The following TNRC18 variants were observed in gnomAD, a reference collection of about 807,000 sequenced individuals.
TNRC18 encodes the protein trinucleotide repeat containing 18.
TNRC18 carries 69 observed loss-of-function variants against 226.7 expected under a neutral mutation model. That is an observed-to-expected ratio of 0.30 (90% CI 0.25 to 0.37). The LOEUF (loss-of-function observed/expected upper bound fraction) is 0.37. TNRC18 is among the 10% of genes least tolerant of loss of function. The pLI is 1.00. For synonymous variants in TNRC18, 2,449 were observed against 1,927.6 expected, an observed-to-expected ratio of 1.27 and a Z score of -7.09; for missense variants, 4,754 against 4,256.6, an observed-to-expected ratio of 1.12 and a Z score of -3.25.
At chr7:5,362,085 G>A (rs535192661) in intron 12 of TNRC18, 52 bp from the exon 13 acceptor site, 46 of 1,590,172 alleles carry the variant, frequency 2.9e-5, no homozygotes, top group South Asian at 1.9e-4. Flanking sequence ...ACTGCCTAAC[G>A]ACGCCCACCG....
intron 17 of TNRC18, among the ~76,000 whole-genome samples, chr7:5,350,118 G>T (rs767289792): frequency 1.3e-5 from 2 of 152,088 alleles, no homozygotes; most frequent in Non-Finnish European, 2.9e-5. Flanking sequence ...GCCCATGGGG[G>T]AGATGGGGGA....
intron 19 of TNRC18, among the ~76,000 whole-genome samples, chr7:5,329,055 C>G (rs1388074609): frequency 6.6e-6 from 1 of 152,114 alleles, no homozygotes; most frequent in Non-Finnish European, 1.5e-5. Flanking sequence ...ATAATCGCAA[C>G]ACATTGGGAG....
rs1476085170 is a variant in TNRC18, at chr7:5,390,587, G to A, written c.385C>T (p.His129Tyr). The change falls in exon 4 of 30, where the codon CAC (histidine) becomes TAC (tyrosine). Residue 129 changes from histidine (H) to tyrosine (Y), a missense_variant. Physicochemically the swap from His to Tyr is moderately conservative, Grantham distance 83. Transcript: ENST00000430969. ...LPSGLYPSYL[H>Y]LNHLEPPSSG... ...CTGGGGGGCTCCAGGTGGTTCAGGT[G>A]GAGGTAGGATGGGTACAGCCCACTG... 2 of 1,612,242 alleles carry A rather than the reference G, an allele frequency of 1.2e-6. No homozygotes were observed. Among genetic ancestry groups the A allele is most frequent in the Admixed American group, 3.3e-5 (2 of 59,762 alleles).
intron 3 of TNRC18, among the ~76,000 whole-genome samples, chr7:5,392,380 T>C (rs1780363095): frequency 6.6e-6 from 1 of 152,128 alleles, no homozygotes; most frequent in Admixed American, 6.6e-5. Context: ...GGAGGATCTC[T>C]TGAACTCAGG....
chr7:5,388,478 G>T lies in TNRC18; in HGVS notation c.1346C>A (p.Ala449Asp). ...PPPADAPTVR[A>D]TRASPDPRAY... ...GCGGGGGTCCGGGGAGGCGCGTGTG[G>T]CCCGCACCGTGGGGGCATCCGCGGG... The change falls in exon 5 of 30, where the codon GCC (alanine) becomes GAC (aspartate). Residue 449 changes from alanine (A) to aspartate (D), a missense_variant. Ala to Asp is a moderately radical substitution (Grantham distance 126, BLOSUM62 -2). Coordinates refer to ENST00000430969, the MANE Select transcript of TNRC18 (RefSeq NM_001080495.3). 7.2e-7 allele frequency: 1 copy of T among 1,391,752 alleles called. No homozygotes were observed. Among genetic ancestry groups the T allele is most frequent in the Non-Finnish European group, 9.2e-7 (1 of 1,082,424 alleles). The allele number at this position is 1,391,752 out of a possible 1,614,324, so 86.2% of individuals were successfully genotyped here.
In TNRC18 at chr7:5,388,402, G is replaced by C. The variant is rs1211689850; in HGVS notation, c.1422C>G (p.Pro474=). ...ELLKPEADPR[P]CERAPRGPAG... Reference sequence around the variant, plus strand: ...CTGGGCCGCGGGGCGCACGCTCGCAGGGCCTCGGGTCCGCCTCGGGCTTGA... The same window carrying C: ...CTGGGCCGCGGGGCGCACGCTCGCACGGCCTCGGGTCCGCCTCGGGCTTGA... Residue 474 remains proline (P), a synonymous_variant, in exon 5 of 30, where the codon CCC becomes CCG. Transcript: ENST00000430969. 2.1e-5 allele frequency: 31 copies of C among 1,503,538 alleles called. No homozygotes were observed. The highest frequency in any genetic ancestry group is 2.6e-5 in the Non-Finnish European group (29 of 1,135,030). The allele number at this position is 1,503,538 out of a possible 1,614,324, so 93.1% of individuals were successfully genotyped here.
chr7:5,376,257 G>T, intron 8 of TNRC18, 33 bp from the exon 9 acceptor site: 1 of 1,425,424 alleles, frequency 7.0e-7, no homozygotes, highest in Non-Finnish European at 9.2e-7. Context: ...CTGCACCTGC[G>T]GCCTGATGCT....
rs757383759 is a variant in TNRC18, at chr7:5,345,641, C to T, written c.5640G>A (p.Thr1880=). 28 of 1,557,484 alleles carry T rather than the reference C, an allele frequency of 1.8e-5. No individual in the cohort carries two copies. The highest frequency in any genetic ancestry group is 5.5e-5 in the African/African-American group (4 of 73,350). ...GTACCACAGACAGGGATGGACCCAC[C>T]GTGGGGCTGGGGAGGGCGCTGGCGG... ...RFAASALPSP[T]VGPSLSVVQL... The change falls in exon 18 of 30, where the codon ACG becomes ACA. Residue 1880 remains threonine (T), a synonymous_variant. Transcript: ENST00000430969.
At chr7:5,348,684 G>A (rs999215909) in intron 17 of TNRC18, among the ~76,000 whole-genome samples, 1 of 151,934 alleles carries the variant, frequency 6.6e-6, no homozygotes, top group African/African-American at 2.4e-5. Flanking sequence ...GGAGCCAGAG[G>A]GAGAGGGAGG....
Position 5,376,164 on chromosome 7 carries a change from C to A in TNRC18, c.2669G>T (p.Arg890Leu). The change falls in exon 9 of 30, where the codon CGC becomes CTC. Residue 890 changes from arginine to leucine, a missense_variant. Physicochemically the swap from Arg to Leu is moderately radical, Grantham distance 102. Transcript: ENST00000430969. ...PLWPALYPPG[R>L]SPLHHAQQLQ... ...CTGCTGGGCGTGGTGCAGGGGGCTG[C>A]GGCCCGGCGGGTACAGGGCGGGCCA... 1.3e-6 allele frequency: 2 copies of A among 1,575,414 alleles called. No homozygotes were observed. The highest frequency in any genetic ancestry group is 1.7e-6 in the Non-Finnish European group (2 of 1,161,926).
At chr7:5,360,563 G>C (rs2128159639) in intron 14 of TNRC18, among the ~76,000 whole-genome samples, 1 of 152,198 alleles carries the variant, frequency 6.6e-6, no homozygotes. Flanking sequence ...GAGAAAACAG[G>C]CTCGGAAAAG....
chr7:5,402,232 T>C (rs1422997410), intron 2 of TNRC18, among the ~76,000 whole-genome samples: 1 of 126,350 alleles, frequency 7.9e-6, no homozygotes, highest in Non-Finnish European at 1.6e-5. Context: ...CAAGACCCCA[T>C]CCCAAAAAAA....
chr7:5,356,530 G>A (rs1219005374), intron 16 of TNRC18, among the ~76,000 whole-genome samples: 2 of 152,370 alleles, frequency 1.3e-5, no homozygotes, highest in Admixed American at 6.5e-5. Flanking sequence ...AAGAGCAGTC[G>A]CGCTCCAGGC....
At chr7:5,414,818 T>C (rs141819448) in intron 2 of TNRC18, among the ~76,000 whole-genome samples, 236 of 152,338 alleles carry the variant, frequency 1.5e-3, no homozygotes, top group Non-Finnish European at 2.5e-3. Flanking sequence ...TATCAACTAA[T>C]CTACAGTCCA....
chr7:5,386,781 T>G (rs528951463), intron 5 of TNRC18, among the ~76,000 whole-genome samples: 1 of 151,730 alleles, frequency 6.6e-6, no homozygotes, highest in Non-Finnish European at 1.5e-5. Context: ...AAACTAAAAA[T>G]AAATAAAACA....
chr7:5,363,467 G>A (rs943770942), intron 11 of TNRC18, among the ~76,000 whole-genome samples: 50 of 151,424 alleles, frequency 3.3e-4, no homozygotes, highest in Admixed American at 6.6e-5. Context: ...AGCCGGGTGT[G>A]GTGGCGGGCG....
At chr7:5,321,651 AT>A (rs1788372824) in intron 21 of TNRC18, among the ~76,000 whole-genome samples, 2 of 145,380 alleles carry the variant, frequency 1.4e-5, no homozygotes, top group South Asian at 4.3e-4. Context: ...TTATTTATTT[AT>A]TTATTTATTT....
At position 5,387,683 on chromosome 7, in the gene TNRC18, C is replaced by T. The variant is rs771063756; in HGVS notation, c.2141G>A (p.Ser714Asn). 1.9e-6 allele frequency: 3 copies of T among 1,604,244 alleles called. 1 individual carries two copies. The highest frequency in any genetic ancestry group is 2.2e-5 in the South Asian group (2 of 91,096). ...TGCCCAGGACCTACCTTTGACGTTA[C>T]TCAGCGACAGAGAGCGCTCCTGGTC... ...LVDQERSLSL[S>N]NVKGHGRADE... The change falls in exon 5 of 30, where the codon AGT becomes AAT. Residue 714 changes from serine (S) to asparagine (N), a missense_variant. Ser to Asn is a conservative substitution (Grantham distance 46). Coordinates refer to ENST00000430969, the MANE Select transcript of TNRC18 (RefSeq NM_001080495.3).
At chr7:5,321,298 C>T (rs901088107) in intron 21 of TNRC18, 108 bp from the exon 22 acceptor site, 4 of 782,790 alleles carry the variant, frequency 5.1e-6, no homozygotes, top group Non-Finnish European at 8.2e-6. Context: ...GCCCTGGTAC[C>T]GGGTGGGCCT....
Sources: gnomAD v4.1 joint callset for allele counts (sites outside exome capture counted in the v4.1 genomes callset) on GRCh38, gnomAD v4.1.1 for gene constraint, MANE v1.5 for transcripts, NCBI Gene and HGNC (gene_info 2026-07-23, HGNC 2026-07-21) for gene names.